The following ZNF215 variants were observed in gnomAD, a reference collection of about 807,000 sequenced individuals.
ZNF215 encodes the protein zinc finger protein 215.
A neutral mutation model predicts 27.2 loss-of-function variants in ZNF215; 24 were observed. The observed-to-expected ratio is 0.88, with a 90% CI of 0.64 to 1.24. The LOEUF (loss-of-function observed/expected upper bound fraction) is 1.24. Ranked by LOEUF, ZNF215 falls within the 50% of genes most tolerant of loss-of-function variation. The pLI, the probability that ZNF215 is intolerant of heterozygous loss-of-function variation, is 0.00. For synonymous variants in ZNF215, 210 were observed against 204.0 expected, an observed-to-expected ratio of 1.03 and a Z score of -0.25; for missense variants, 675 against 605.7, an observed-to-expected ratio of 1.11 and a Z score of -1.20.
At chr11:6,941,518 A>G in intron 3 of ZNF215, 53 bp from the exon 4 acceptor site, 3 of 1,492,120 alleles carry the variant, frequency 2.0e-6, no homozygotes, top group Non-Finnish European at 2.8e-6. Context: ...AATTATTAGA[A>G]GTTGCTCCAG....
At chr11:6,969,812 G>A (rs573685421) in intron 5 of ZNF215, among the ~76,000 whole-genome samples, 4 of 152,092 alleles carry the variant, frequency 2.6e-5, no homozygotes, top group South Asian at 2.1e-4. Flanking sequence ...ACGGATTCTC[G>A]CTTTGTTGCC....
chr11:6,966,434 A>G (rs917734006), intron 5 of ZNF215, among the ~76,000 whole-genome samples: 8 of 152,042 alleles, frequency 5.3e-5, no homozygotes, highest in East Asian at 1.9e-4. Flanking sequence ...GTAACACACA[A>G]TTTACCCATG....
downstream of ZNF215, chr11:6,988,376 T>C (rs560305960): frequency 5.0e-5 from 24 of 481,888 alleles, no homozygotes; most frequent in South Asian, 1.8e-3. Context: ...AGAAAAGGGC[T>C]CTGTGATCAG....
chr11:6,973,347 C>G (rs1294646627), intron 5 of ZNF215, among the ~76,000 whole-genome samples: 1 of 152,142 alleles, frequency 6.6e-6, no homozygotes, highest in Non-Finnish European at 1.5e-5. Context: ...AATAGTGCCA[C>G]AATAAACATA....
Position 6,932,422 on chromosome 11 carries a change from G to C in ZNF215, c.150G>C (p.Lys50Asn). 1.2e-6 allele frequency: 2 copies of C among 1,614,174 alleles called. No homozygotes were observed. Among genetic ancestry groups the C allele is most frequent in the African/African-American group, 2.7e-5 (2 of 75,028 alleles). Residue 50 changes from lysine to asparagine, a missense_variant, in exon 3 of 7, where the codon AAG becomes AAC. By Grantham distance (94) the Lys-to-Asn change is moderately conservative (BLOSUM62 0). Transcript: ENST00000278319. ...ATGACTCTGAGGCATCTCGTCAAAA[G>C]TTCAGACATTTCCAGTATTTGAAAG... ...ETHDSEASRQ[K>N]FRHFQYLKVS...
At chr11:6,936,880 C>T (rs1449004510) in intron 3 of ZNF215, among the ~76,000 whole-genome samples, 3 of 150,770 alleles carry the variant, frequency 2.0e-5, no homozygotes, top group African/African-American at 4.9e-5. Flanking sequence ...ATCCAATGCC[C>T]TTTTATGACC....
At chr11:6,951,149 G>A (rs1453004573) in intron 6 of ZNF215, among the ~76,000 whole-genome samples, 1 of 152,090 alleles carries the variant, frequency 6.6e-6, no homozygotes, top group Non-Finnish European at 1.5e-5. Flanking sequence ...ATTTTATTGA[G>A]GATTTTTGCA....
chr11:6,943,264 A>G, intron 5 of ZNF215, 49 bp downstream of exon 5: 1 of 1,571,956 alleles, frequency 6.4e-7, no homozygotes, highest in African/African-American at 1.4e-5. Flanking sequence ...ATCTCTTCCT[A>G]CCGTTAAAAG....
At chr11:6,972,944 A>T (rs1850747722) in intron 5 of ZNF215, among the ~76,000 whole-genome samples, 1 of 152,026 alleles carries the variant, frequency 6.6e-6, no homozygotes, top group African/African-American at 2.4e-5. Context: ...TCTAGGGTAC[A>T]TGTGCAAAAC....
chr11:6,944,800 T>C (rs1415261297), intron 6 of ZNF215, among the ~76,000 whole-genome samples: 4 of 152,198 alleles, frequency 2.6e-5, no homozygotes, highest in Non-Finnish European at 5.9e-5. Context: ...TTTTCCAGAA[T>C]TCATCAGGAA....
At chr11:6,985,314 A>G (rs1035591974), downstream of ZNF215, among the ~76,000 whole-genome samples, 6 of 152,182 alleles carry the variant, frequency 3.9e-5, no homozygotes, top group Admixed American at 3.9e-4. Context: ...CTCAATATTT[A>G]CATAAAAAGC....
downstream of ZNF215, among the ~76,000 whole-genome samples, chr11:6,961,835 T>C (rs1034591694): frequency 6.6e-6 from 1 of 152,116 alleles, no homozygotes; most frequent in African/African-American, 2.4e-5. Context: ...CACCTTGTCC[T>C]TTACCTGCAC....
At position 6,956,702 on chromosome 11, in the gene ZNF215, C is replaced by A; in HGVS notation, c.*171C>A. 1 of 1,387,186 alleles carries A rather than the reference C, an allele frequency of 7.2e-7. No homozygotes were observed. Among genetic ancestry groups the A allele is most frequent in the Non-Finnish European group, 9.3e-7 (1 of 1,078,486 alleles). 85.9% of individuals were successfully genotyped at this position (1,387,186 alleles called of 1,614,324 possible). On this transcript the variant is annotated 3_prime_UTR_variant, in exon 7 of 7. Transcript: ENST00000278319. ...GATAGAAATATCATTGGATAGAAAT[C>A]TGTTTGAAGGAATTTTCCTGGTTTT...
At chr11:6,945,945 T>G (rs1395527271) in intron 6 of ZNF215, among the ~76,000 whole-genome samples, 1 of 152,208 alleles carries the variant, frequency 6.6e-6, no homozygotes, top group African/African-American at 2.4e-5. Flanking sequence ...TGCCTTAAAT[T>G]CCATGAAACT....
chr11:6,991,753 C>T (rs1300016457), downstream of ZNF215, among the ~76,000 whole-genome samples: 1 of 152,194 alleles, frequency 6.6e-6, no homozygotes, highest in Non-Finnish European at 1.5e-5. Flanking sequence ...GCCCGACTTT[C>T]TGTATGATTA....
Position 6,941,843 on chromosome 11 carries a change from T to C in ZNF215, c.483+190T>C, listed in dbSNP as rs554340576. Among the ~76,000 whole-genome samples the C allele has an allele frequency of 7.9e-5, 12 of 152,346 alleles. No individual in the cohort carries two copies. The East Asian group carries it at 2.3e-3, about 29-fold the overall frequency. On this transcript the variant is annotated intron_variant, in intron 4 of 6. Transcript: ENST00000278319. Reference sequence around the variant, plus strand: ...GTTAGCCATATAGTCTCTGTGTATCTGTTCCGTCAATAATATAGTTTCTAT... The same window carrying C: ...GTTAGCCATATAGTCTCTGTGTATCCGTTCCGTCAATAATATAGTTTCTAT...
chr11:6,960,000 G>A (rs950601917), downstream of ZNF215, among the ~76,000 whole-genome samples: 1 of 152,000 alleles, frequency 6.6e-6, no homozygotes, highest in Non-Finnish European at 1.5e-5. Flanking sequence ...TATGATATAT[G>A]TTGATATATT....
chr11:6,972,015 A>T (rs1005476011), intron 5 of ZNF215, among the ~76,000 whole-genome samples: 3 of 151,928 alleles, frequency 2.0e-5, no homozygotes, highest in African/African-American at 4.8e-5. Context: ...ACTAAAGGAA[A>T]TTTTTTTTCC....
chr11:6,979,118 G>C (rs570033853), intron 5 of ZNF215, among the ~76,000 whole-genome samples: 1 of 152,126 alleles, frequency 6.6e-6, no homozygotes, highest in South Asian at 2.1e-4. Context: ...TTTTGGATCA[G>C]TACAACATAG....
Sources: allele counts gnomAD v4.1 joint callset (sites outside exome capture counted in the v4.1 genomes callset), GRCh38; gene constraint gnomAD v4.1.1; transcripts MANE v1.5; gene names NCBI Gene and HGNC (gene_info 2026-07-23, HGNC 2026-07-21).